Variants in RBFOX1 observed in about 807,000 individuals in gnomAD.
RBFOX1 encodes RNA binding fox-1 homolog 1.
A neutral mutation model predicts 57.7 loss-of-function variants in RBFOX1; 8 were observed. The observed-to-expected ratio is 0.14, with a 90% confidence interval of 0.08 to 0.25. The LOEUF (loss-of-function observed/expected upper bound fraction) is 0.25, where lower values mean the gene tolerates loss of function less well. Ranked by LOEUF, RBFOX1 falls within the 10% of genes least tolerant of loss-of-function variation. The pLI, the probability that RBFOX1 is intolerant of heterozygous loss-of-function variation, is 1.00. For missense variants in RBFOX1, 611 were observed against 548.5 expected (o/e 1.11, Z -1.14); for synonymous variants, 326 against 222.4 (o/e 1.47, Z -4.15).
chr16:6,297,805 T>C (rs2078306255), intron 1 of RBFOX1, among the ~76,000 whole-genome samples: 1 of 151,630 alleles, frequency 6.6e-6, no homozygotes, highest in African/African-American at 2.4e-5. Context: ...CTGAGAGGAG[T>C]TCAGCTGGGG....
intron 3 of RBFOX1, among the ~76,000 whole-genome samples, chr16:5,609,175 A>T (rs1663208054): frequency 6.6e-6 from 1 of 152,182 alleles, no homozygotes; most frequent in Admixed American, 6.5e-5. Flanking sequence ...AATGGGCCGA[A>T]CCACCTGAAA....
intron 3 of RBFOX1, among the ~76,000 whole-genome samples, chr16:7,014,011 A>G (rs1464795041): frequency 1.3e-5 from 2 of 152,170 alleles, no homozygotes; most frequent in Non-Finnish European, 2.9e-5. Flanking sequence ...AAGAAGGAAG[A>G]GTAGGTTTCA....
intron 4 of RBFOX1, among the ~76,000 whole-genome samples, chr16:5,984,488 G>C (rs1305011307): frequency 6.6e-6 from 1 of 151,972 alleles, no homozygotes; most frequent in Non-Finnish European, 1.5e-5. Flanking sequence ...GTCAAGTCCT[G>C]AGCATTGTCT....
At chr16:5,296,211 G>C (rs962769730) in intron 1 of RBFOX1, among the ~76,000 whole-genome samples, 1 of 152,206 alleles carries the variant, frequency 6.6e-6, no homozygotes, top group African/African-American at 2.4e-5. Flanking sequence ...TGGGCATTCA[G>C]ACTCGGTGTA....
At chr16:7,553,563 A>G (rs2087286307) in intron 5 of RBFOX1, among the ~76,000 whole-genome samples, 1 of 152,210 alleles carries the variant, frequency 6.6e-6, no homozygotes, top group Non-Finnish European at 1.5e-5. Context: ...TACTCACAAG[A>G]GAAGGGGGAT....
intron 1 of RBFOX1, among the ~76,000 whole-genome samples, chr16:6,073,118 C>G (rs987278113): frequency 3.9e-5 from 6 of 152,120 alleles, no homozygotes; most frequent in Non-Finnish European, 7.4e-5. Context: ...GTTGTAAATT[C>G]TCAGAATTAG....
At position 7,430,849 on chromosome 16, in the gene RBFOX1, G is replaced by C. The variant is rs150539681; in HGVS notation, c.28-87298G>C. ...ATCTAAGCATCCTTATTCATAGGAA[G>C]GGGGCTTGGTTATCATGAATATTAA... On this transcript the variant is annotated intron_variant, in intron 4 of 15. Transcript: ENST00000550418. Among the ~76,000 whole-genome samples, 686 of 152,292 alleles carry C rather than the reference G, an allele frequency of 4.5e-3. 4 individuals carry two copies. Among genetic ancestry groups the C allele is most frequent in the African/African-American group, 0.016 (659 of 41,574 alleles).
chr16:5,576,038 G>A (rs942101267), intron 2 of RBFOX1, among the ~76,000 whole-genome samples: 3 of 152,044 alleles, frequency 2.0e-5, no homozygotes, highest in Non-Finnish European at 4.4e-5. Flanking sequence ...CCAGGCTGGA[G>A]TACAGTGGTG....
At chr16:6,438,512 C>T (rs1290786475) in intron 2 of RBFOX1, among the ~76,000 whole-genome samples, 1 of 152,160 alleles carries the variant, frequency 6.6e-6, no homozygotes, top group South Asian at 2.1e-4. Context: ...AGACTTTAGA[C>T]ATTGTTTGGT....
In RBFOX1 at chr16:6,436,290, A is replaced by G. The variant is rs547318630; in HGVS notation, c.-64+119233A>G. On this transcript the variant is annotated intron_variant, in intron 2 of 15. Coordinates refer to ENST00000550418, the MANE Select transcript of RBFOX1 (RefSeq NM_018723.4). ...ATGCAGTATCTTGAATTACCAGTGA[A>G]ATTACTTTTCCTCCTCTTAATGCCT... 2.6e-5 allele frequency among the ~76,000 whole-genome samples: 4 copies of G among 152,266 alleles called. No homozygotes were observed. In the East Asian group the frequency reaches 5.8e-4, roughly 22 times the overall value.
At chr16:6,497,033 G>T (rs12926968) in intron 2 of RBFOX1, among the ~76,000 whole-genome samples, 1 of 152,192 alleles carries the variant, frequency 6.6e-6, no homozygotes, top group African/African-American at 2.4e-5. Context: ...CTGTGTCTTG[G>T]TTGGCTTATA....
chr16:7,691,909 A>T (rs188878235), intron 14 of RBFOX1, among the ~76,000 whole-genome samples: 2 of 152,274 alleles, frequency 1.3e-5, no homozygotes, highest in African/African-American at 4.8e-5. Context: ...TCTTAGGAGC[A>T]TTCTGTAAAT....
intron 1 of RBFOX1, among the ~76,000 whole-genome samples, chr16:5,241,035 G>C (rs191699008): frequency 3.0e-4 from 45 of 152,322 alleles, no homozygotes; most frequent in African/African-American, 1.0e-3. Context: ...CATTTGCTCA[G>C]CTGAGCTTGT....
intron 2 of RBFOX1, among the ~76,000 whole-genome samples, chr16:6,525,173 G>C (rs114567794): frequency 0.015 from 2,231 of 152,256 alleles, 45 homozygotes; most frequent in African/African-American, 0.05. Context: ...CTGAACTATA[G>C]TAAGTGTTAG....
intron 3 of RBFOX1, among the ~76,000 whole-genome samples, chr16:7,046,299 T>A (rs2047920453): frequency 6.6e-6 from 1 of 152,070 alleles, no homozygotes. Flanking sequence ...TTATTTGTTC[T>A]GGATGTTTCA....
intron 4 of RBFOX1, among the ~76,000 whole-genome samples, chr16:7,488,642 A>G (rs1464358695): frequency 6.6e-6 from 1 of 152,036 alleles, no homozygotes; most frequent in African/African-American, 2.4e-5. Context: ...CTATCACTCT[A>G]TTTGTCTGTA....
chr16:7,668,229 C>T (rs140070992), intron 13 of RBFOX1, among the ~76,000 whole-genome samples: 5 of 152,232 alleles, frequency 3.3e-5, no homozygotes, highest in East Asian at 3.9e-4. Context: ...TTGGAGCCCT[C>T]GGGCATTTTT....
intron 2 of RBFOX1, among the ~76,000 whole-genome samples, chr16:6,329,337 T>C (rs1315844084): frequency 2.0e-5 from 3 of 152,318 alleles, no homozygotes; most frequent in Admixed American, 1.3e-4. Flanking sequence ...ATTACTCTTC[T>C]ACAGATGAGA....
chr16:7,139,489 T>A (rs891744856), intron 4 of RBFOX1, among the ~76,000 whole-genome samples: 1 of 152,086 alleles, frequency 6.6e-6, no homozygotes, highest in Non-Finnish European at 1.5e-5. Context: ...CCTAACTAAA[T>A]AGCCCCAGAT....
Sources: gnomAD v4.1 joint callset for allele counts (sites outside exome capture counted in the v4.1 genomes callset) on GRCh38, gnomAD v4.1.1 for gene constraint, MANE v1.5 for transcripts, NCBI Gene and HGNC (gene_info 2026-07-23, HGNC 2026-07-21) for gene names.